PIGL: variants seen among roughly 807,000 people sequenced by gnomAD.
PIGL encodes the protein phosphatidylinositol glycan anchor biosynthesis class L, also known as N-acetylglucosaminyl-phosphatidylinositol de-N-acetylase.
PIGL carries 22 observed loss-of-function variants against 31.1 expected under a neutral mutation model. That is an observed-to-expected ratio of 0.71 (90% CI 0.51 to 1.01). The LOEUF (loss-of-function observed/expected upper bound fraction) is 1.01, where lower values mean the gene tolerates loss of function less well. Among genes scored for constraint, PIGL ranks in the 50% least tolerant of loss-of-function variants. PIGL has a pLI of 0.00. For missense variants in PIGL, 302 were observed against 315.9 expected (o/e 0.96, Z 0.33); for synonymous variants, 131 against 117.4 (o/e 1.12, Z -0.75).
At chr17:16,316,405 C>A (rs2093077095) in intron 4 of PIGL, among the ~76,000 whole-genome samples, 1 of 152,214 alleles carries the variant, frequency 6.6e-6, no homozygotes, top group Non-Finnish European at 1.5e-5. Flanking sequence ...TACCTTCATT[C>A]TCTAATGGGC....
chr17:16,312,110 G>A (rs759228552), intron 3 of PIGL, among the ~76,000 whole-genome samples: 25 of 144,182 alleles, frequency 1.7e-4, no homozygotes, highest in African/African-American at 6.0e-4. Context: ...CCCTCCCGGA[G>A]GGGGCGGCTG....
In PIGL at chr17:16,277,015, C is replaced by T. The variant is rs1446118396; in HGVS notation, c.336-22873C>T. 1.3e-5 allele frequency among the ~76,000 whole-genome samples: 2 copies of T among 152,164 alleles called. 1 individual carries two copies. Among genetic ancestry groups the T allele is most frequent in the Non-Finnish European group, 2.9e-5 (2 of 68,038 alleles). ...CTGAGCCCAGCCATGGGTCTGTACCCTCAAATATCTATATGAGTTGGGTAA... is the reference window on the plus strand; with the variant it reads ...CTGAGCCCAGCCATGGGTCTGTACCTTCAAATATCTATATGAGTTGGGTAA... On this transcript the variant is annotated intron_variant, in intron 2 of 6. Transcript: ENST00000225609.
At chr17:16,231,078 T>C (rs2092676822) in intron 1 of PIGL, among the ~76,000 whole-genome samples, 1 of 146,600 alleles carries the variant, frequency 6.8e-6, no homozygotes, top group Admixed American at 6.8e-5. Flanking sequence ...TTTTTTTTTT[T>C]TTTTTTTTTT....
chr17:16,222,879 G>A (rs554066487), intron 1 of PIGL, among the ~76,000 whole-genome samples: 2 of 152,158 alleles, frequency 1.3e-5, no homozygotes, highest in South Asian at 4.2e-4. Context: ...AGGTGTGGTG[G>A]TGCATGCCTG....
rs55958956 is a variant in PIGL at position 16,325,332 on chromosome 17, CAAAAAA to C, written c.661-449_661-444del. 7.6e-3 allele frequency among the ~76,000 whole-genome samples: 524 copies of C among 69,322 alleles called. 6 individuals are homozygous for C. In the East Asian group the frequency reaches 0.079, roughly 10 times the overall value. The allele number at this position is 69,322 out of a possible 152,430, so 45.5% of individuals were successfully genotyped here. ...TGCACTCCAGCCTGGGCAACAGGCTCAAAAAAAAAAAAAAAAAAAAAAAAGAATGTG... is the reference window on the plus strand; with the variant it reads ...TGCACTCCAGCCTGGGCAACAGGCTCAAAAAAAAAAAAAAAAAAGAATGTG... On this transcript the variant is annotated intron_variant, in intron 6 of 6. Coordinates refer to ENST00000225609, the MANE Select transcript of PIGL (RefSeq NM_004278.4).
chr17:16,270,829 G>GT (rs2142769078), intron 2 of PIGL, among the ~76,000 whole-genome samples: 1 of 151,970 alleles, frequency 6.6e-6, no homozygotes, highest in African/African-American at 2.4e-5. Context: ...GGAGGCAGAG[G>GT]TTGCAGTGAG....
chr17:16,304,761 A>C (rs77638573), intron 3 of PIGL, among the ~76,000 whole-genome samples: 2,004 of 152,228 alleles, frequency 0.013, 30 homozygotes, highest in Non-Finnish European at 0.022. Flanking sequence ...TTTATTAAGT[A>C]CCCAATATGG....
chr17:16,307,020 G>GGAAAGGGAGAGGGAAAT (rs2093029267), intron 3 of PIGL, among the ~76,000 whole-genome samples: 1 of 152,214 alleles, frequency 6.6e-6, no homozygotes, highest in Non-Finnish European at 1.5e-5. Flanking sequence ...AGCTTTAAAA[G>GGAAAGGGAGAGGGAAAT]GAAAGGGAGA....
chr17:16,267,924 C>T (rs986029817), intron 2 of PIGL, among the ~76,000 whole-genome samples: 1 of 152,108 alleles, frequency 6.6e-6, no homozygotes, highest in South Asian at 2.1e-4. Flanking sequence ...CTCTACTTAA[C>T]TCTACTCCAG....
intron 3 of PIGL, among the ~76,000 whole-genome samples, chr17:16,304,603 A>C (rs978322041): frequency 6.6e-6 from 1 of 152,096 alleles, no homozygotes; most frequent in Non-Finnish European, 1.5e-5. Flanking sequence ...ATTTTTTAAA[A>C]AATAAAATAA....
At chr17:16,245,014 C>T (rs1034855520) in intron 2 of PIGL, among the ~76,000 whole-genome samples, 2 of 151,056 alleles carry the variant, frequency 1.3e-5, no homozygotes, top group Admixed American at 6.6e-5. Flanking sequence ...TTTTTTGAGA[C>T]GGAGTTTCGC....
chr17:16,322,389 C>T (rs1176611576), intron 6 of PIGL, among the ~76,000 whole-genome samples: 2 of 152,186 alleles, frequency 1.3e-5, no homozygotes, highest in Non-Finnish European at 2.9e-5. Context: ...GTCACCGCAC[C>T]CAGCCTGTTC....
chr17:16,221,211 A>G (rs192339091), intron 1 of PIGL, among the ~76,000 whole-genome samples: 75 of 152,338 alleles, frequency 4.9e-4, no homozygotes, highest in African/African-American at 1.7e-3. Flanking sequence ...ATTGAAAATA[A>G]GGATGAATTT....
intron 2 of PIGL, among the ~76,000 whole-genome samples, chr17:16,257,572 T>G (rs377278622): frequency 5.3e-5 from 8 of 152,126 alleles, no homozygotes; most frequent in African/African-American, 1.7e-4. Context: ...CCCTCCTCTT[T>G]CTGGGGCAGG....
At chr17:16,235,049 A>G (rs1420841981) in intron 2 of PIGL, among the ~76,000 whole-genome samples, 1 of 152,200 alleles carries the variant, frequency 6.6e-6, no homozygotes, top group African/African-American at 2.4e-5. Context: ...TGTATATGAA[A>G]CATTTTAAAG....
intron 3 of PIGL, among the ~76,000 whole-genome samples, chr17:16,312,095 C>A (rs867256660): frequency 1.5e-4 from 22 of 142,056 alleles, no homozygotes; most frequent in African/African-American, 5.9e-4. Flanking sequence ...GCTGCCCCCC[C>A]ACCTCCCTCC....
At chr17:16,289,028 G>C (rs1374801515) in intron 2 of PIGL, among the ~76,000 whole-genome samples, 1 of 152,130 alleles carries the variant, frequency 6.6e-6, no homozygotes, top group East Asian at 1.9e-4. Context: ...CAAAGGTCTA[G>C]GTGCAAGGTA....
chr17:16,303,983 G>A (rs562615439), intron 3 of PIGL, among the ~76,000 whole-genome samples: 1 of 152,222 alleles, frequency 6.6e-6, no homozygotes, highest in African/African-American at 2.4e-5. Flanking sequence ...CAAAGTGCTG[G>A]GATTACAGGT....
chr17:16,256,625 C>G (rs1220366514), intron 2 of PIGL, among the ~76,000 whole-genome samples: 1 of 152,128 alleles, frequency 6.6e-6, no homozygotes, highest in Non-Finnish European at 1.5e-5. Flanking sequence ...GCTAGGATTA[C>G]AGGCGTGAGC....
Sources: gnomAD v4.1 joint callset for allele counts (sites outside exome capture counted in the v4.1 genomes callset) on GRCh38, gnomAD v4.1.1 for gene constraint, MANE v1.5 for transcripts, NCBI Gene and HGNC (gene_info 2026-07-23, HGNC 2026-07-21) for gene names.